Variants in WDR88 observed in about 807,000 individuals in gnomAD.
WDR88 encodes WD repeat domain 88.
A neutral mutation model predicts 46.8 loss-of-function variants in WDR88; 40 were observed. That is an observed-to-expected ratio of 0.86 (90% CI 0.66 to 1.11). WDR88 has a LOEUF of 1.11. Ranked by LOEUF, WDR88 falls within the 50% of genes most tolerant of loss-of-function variation. The pLI is 0.00. For missense variants in WDR88, 562 were observed against 602.4 expected (o/e 0.93, Z 0.70); for synonymous variants, 235 against 240.7 (o/e 0.98, Z 0.22).
At chr19:33,139,604 G>A (rs111348047) in intron 2 of WDR88, among the ~76,000 whole-genome samples, 2 of 152,126 alleles carry the variant, frequency 1.3e-5, no homozygotes, top group Non-Finnish European at 2.9e-5. Context: ...CATGAAGATC[G>A]GAAATAAAGA....
chr19:33,137,112 CTT>C (rs71176199), intron 1 of WDR88, among the ~76,000 whole-genome samples: 54 of 78,376 alleles, frequency 6.9e-4, no homozygotes, highest in African/African-American at 2.4e-3. Context: ...CTTTCTTCTT[CTT>C]TTTTTTTTTT....
chr19:33,174,401 G>A, intron 10 of WDR88: 2 of 1,402,546 alleles, frequency 1.4e-6, no homozygotes, highest in South Asian at 3.2e-5. Context: ...CCACCTTGCA[G>A]GCTCTTCTCC....
intron 10 of WDR88, among the ~76,000 whole-genome samples, chr19:33,173,841 T>C (rs1324029468): frequency 1.3e-5 from 2 of 152,142 alleles, no homozygotes; most frequent in Non-Finnish European, 2.9e-5. Context: ...AAGGATCAAA[T>C]TTCCTTTTTT....
At chr19:33,168,024 A>ATTTC (rs113686832) in intron 9 of WDR88, among the ~76,000 whole-genome samples, 36,090 of 131,548 alleles carry the variant, frequency 0.27, 6,224 homozygotes, top group African/African-American at 0.52. Flanking sequence ...AGCCAAAATG[A>ATTTC]TTTCTTTCTT....
At chr19:33,157,853 ACTCCC>A (rs1973792036) in intron 7 of WDR88, among the ~76,000 whole-genome samples, 1 of 149,892 alleles carries the variant, frequency 6.7e-6, no homozygotes, top group Non-Finnish European at 1.5e-5. Flanking sequence ...CCCAGGGAAG[ACTCCC>A]ATTGGCTCAG....
At chr19:33,148,372 C>G (rs1973562633) in intron 4 of WDR88, among the ~76,000 whole-genome samples, 1 of 152,086 alleles carries the variant, frequency 6.6e-6, no homozygotes, top group African/African-American at 2.4e-5. Flanking sequence ...GTGCAAAGGT[C>G]AGTTTGTATT....
chr19:33,156,687 A>G, intron 7 of WDR88, 145 bp downstream of exon 7: 3 of 939,522 alleles, frequency 3.2e-6, no homozygotes, highest in Non-Finnish European at 4.6e-6. Flanking sequence ...AAAAAACCCA[A>G]GAGGGAAGAC....
intron 7 of WDR88, among the ~76,000 whole-genome samples, chr19:33,158,698 AT>A (rs11370336): frequency 6.1e-4 from 92 of 151,102 alleles, no homozygotes; most frequent in Middle Eastern, 6.8e-3. Context: ...TAGTGCCACC[AT>A]TTTTTTTTGT....
rs769264281 is a variant in WDR88, at chr19:33,137,703, C to T, written c.303C>T (p.His101=). The T allele has an allele frequency of 1.5e-5, 25 of 1,613,774 alleles. No homozygotes were observed. Among genetic ancestry groups the T allele is most frequent in the African/African-American group, 6.7e-5 (5 of 74,896 alleles). The change falls in exon 2 of 11, where the codon CAC becomes CAT. Residue 101 remains histidine (H), a synonymous_variant. Coordinates refer to ENST00000355868, the MANE Select transcript of WDR88 (RefSeq NM_173479.4). The part of the protein sequence containing the change: ...SKIPFKILSG[H]EHAVSTCHFC... ...TCCCATTTAAAATTCTGAGTGGGCACGAGCACGCTGTGAGCACCTGCCACT... is the reference window on the plus strand; with the variant it reads ...TCCCATTTAAAATTCTGAGTGGGCATGAGCACGCTGTGAGCACCTGCCACT...
chr19:33,169,573 AAAAGAACTCAG>A (rs1974003252), intron 9 of WDR88, among the ~76,000 whole-genome samples: 1 of 151,934 alleles, frequency 6.6e-6, no homozygotes, highest in Non-Finnish European at 1.5e-5. Flanking sequence ...GGTCTATAAT[AAAAGAACTCAG>A]AAAATAATGA....
At chr19:33,169,951 C>T (rs994595472) in intron 9 of WDR88, among the ~76,000 whole-genome samples, 2 of 152,064 alleles carry the variant, frequency 1.3e-5, no homozygotes, top group East Asian at 3.9e-4. Context: ...AATCTTGGCT[C>T]ACCGCAACCT....
At position 33,139,540 on chromosome 19, in the gene WDR88, C is replaced by T. The variant is rs931574610; in HGVS notation, c.387+1753C>T. On this transcript the variant is annotated intron_variant, in intron 2 of 10. Coordinates refer to ENST00000355868, the MANE Select transcript of WDR88 (RefSeq NM_173479.4). ...AGAGGATAGCCCCTCACCCTACAGACGACCTCAAGGGAATGTTTTCTCTGG... is the reference window on the plus strand; with the variant it reads ...AGAGGATAGCCCCTCACCCTACAGATGACCTCAAGGGAATGTTTTCTCTGG... 3.3e-5 allele frequency among the ~76,000 whole-genome samples: 5 copies of T among 152,090 alleles called. No homozygotes were observed. In the East Asian group the frequency reaches 9.7e-4, roughly 29 times the overall value.
At chr19:33,144,480 G>A (rs571994862) in intron 2 of WDR88, among the ~76,000 whole-genome samples, 2 of 152,254 alleles carry the variant, frequency 1.3e-5, no homozygotes, top group East Asian at 1.9e-4. Context: ...GATTACAGTC[G>A]TGAGCCACCG....
rs575618079 is a variant in WDR88 at position 33,175,475 on chromosome 19, G to A, written c.1322G>A (p.Arg441Gln). ...SEMFTQCVFC[R>Q]IDTRGLPADT... is the part of the protein sequence containing the mutation. Reference sequence around the variant, plus strand: ...ATGTTCACCCAATGCGTGTTCTGCCGGATAGATACAAGGGGCTTGCCAGCA... The same window carrying A: ...ATGTTCACCCAATGCGTGTTCTGCCAGATAGATACAAGGGGCTTGCCAGCA... Residue 441 changes from arginine (R) to glutamine (Q), a missense_variant, in exon 11 of 11, where the codon CGG becomes CAG. Transcript: ENST00000355868. 6.8e-6 allele frequency: 11 copies of A among 1,614,160 alleles called. No individual in the cohort carries two copies. The highest frequency in any genetic ancestry group is 1.6e-4 in the Middle Eastern group (1 of 6,062).
At chr19:33,169,833 C>T (rs555958502) in intron 9 of WDR88, among the ~76,000 whole-genome samples, 3 of 152,074 alleles carry the variant, frequency 2.0e-5, no homozygotes, top group Admixed American at 6.6e-5. Flanking sequence ...TATAAATTCA[C>T]GGTATAGGCT....
chr19:33,141,246 T>TTTTTTTTTTTTTTTTTTTTG (rs1247225166), intron 2 of WDR88, among the ~76,000 whole-genome samples: 1 of 149,078 alleles, frequency 6.7e-6, no homozygotes, highest in African/African-American at 2.5e-5. Flanking sequence ...TTTTTCTTTT[T>TTTTTTTTTTTTTTTTTTTTG]TGACACAGGA....
At chr19:33,137,854 C>T (rs1431429281) in intron 2 of WDR88, 67 bp downstream of exon 2, 9 of 1,373,892 alleles carry the variant, frequency 6.6e-6, no homozygotes, top group East Asian at 4.7e-5. Flanking sequence ...CCTCCTGTGT[C>T]GAGTTCCCCA....
rs113374473 is a variant in WDR88, at chr19:33,138,740, G to A, written c.387+953G>A. Among the ~76,000 whole-genome samples, 1,234 of 139,656 alleles carry A rather than the reference G, an allele frequency of 8.8e-3. 23 individuals are homozygous for A. The highest frequency in any genetic ancestry group is 0.032 in the African/African-American group (1,162 of 36,618). The allele number at this position is 139,656 out of a possible 152,430, so 91.6% of individuals were successfully genotyped here. On this transcript the variant is annotated intron_variant, in intron 2 of 10. Coordinates refer to ENST00000355868, the MANE Select transcript of WDR88 (RefSeq NM_173479.4). ...GCTCTGTCGCCCAGGCTGGAGTATA[G>A]TGCCACGATCTCGGCTCACTACAAC...
In WDR88 at chr19:33,144,864, G is replaced by C; in HGVS notation, c.408G>C (p.Val136=). Residue 136 remains valine, a synonymous_variant, in exon 3 of 11, where the codon GTG becomes GTC. Transcript: ENST00000355868. The stretch of plus-strand genomic sequence containing the variant: ...TTGAGGATCCGGTGGACGGTTCTGT[G>C]GTTCGCGATTTTGAGCACAGGCCCA... ...VKLWDPVDGS[V]VRDFEHRPKA... The C allele has an allele frequency of 6.2e-7, 1 of 1,613,670 alleles. No homozygotes were observed. Among genetic ancestry groups the C allele is most frequent in the South Asian group, 1.1e-5 (1 of 90,922 alleles).
Sources: gnomAD v4.1 joint callset for allele counts (sites outside exome capture counted in the v4.1 genomes callset) on GRCh38, gnomAD v4.1.1 for gene constraint, MANE v1.5 for transcripts, NCBI Gene and HGNC (gene_info 2026-07-23, HGNC 2026-07-21) for gene names.